Variants in VHL observed in about 807,000 individuals in gnomAD.
VHL encodes the protein von Hippel-Lindau disease tumor suppressor.
Under a neutral mutation model 19.2 loss-of-function variants are expected in VHL, and 10 were observed. The observed-to-expected ratio is 0.52, with a 90% CI of 0.32 to 0.89. The LOEUF (loss-of-function observed/expected upper bound fraction) is 0.89, where lower values mean the gene tolerates loss of function less well. VHL is among the 40% of genes least tolerant of loss of function. VHL has a pLI of 0.03. For missense variants in VHL, 328 were observed against 292.7 expected (o/e 1.12, Z -0.88); for synonymous variants, 167 against 129.5 (o/e 1.29, Z -1.97).
At chr3:10,148,935 A>G (rs953067328) in intron 2 of VHL, among the ~76,000 whole-genome samples, 4 of 151,356 alleles carry the variant, frequency 2.6e-5, no homozygotes, top group Admixed American at 2.6e-4. Flanking sequence ...AGCCTCCTAA[A>G]GTGCTAGGAT....
rs1060503563 is a variant in VHL, at chr3:10,142,120, C to T, written c.273C>T (p.Phe91=). Residue 91 remains phenylalanine, a synonymous_variant, in exon 1 of 3, where the codon TTC becomes TTT. Coordinates refer to ENST00000256474, the MANE Select transcript of VHL (RefSeq NM_000551.4). ...PRVVLPVWLN[F]DGEPQPYPTL... is the part of the protein sequence containing the mutation. ...TCGTGCTGCCCGTATGGCTCAACTT[C>T]GACGGCGAGCCGCAGCCCTACCCAA... The T allele has an allele frequency of 6.2e-7, 1 of 1,601,080 alleles. No homozygotes were observed. The highest frequency in any genetic ancestry group is 1.7e-5 in the Admixed American group (1 of 59,982).
intron 1 of VHL, among the ~76,000 whole-genome samples, chr3:10,145,624 T>G (rs1409234612): frequency 6.8e-6 from 1 of 147,106 alleles, no homozygotes; most frequent in African/African-American, 2.5e-5. Context: ...GAGAATGGCA[T>G]AAACCTGGGA....
At chr3:10,143,485 G>C (rs370010500) in intron 1 of VHL, among the ~76,000 whole-genome samples, 24 of 152,194 alleles carry the variant, frequency 1.6e-4, no homozygotes, top group African/African-American at 5.8e-4. Flanking sequence ...GTCTGGATCT[G>C]TCGCCAGACT....
In VHL at chr3:10,150,028, C is replaced by G. The variant is rs2125131056; in HGVS notation, c.*63C>G. The G allele has an allele frequency of 5.1e-6, 8 of 1,573,952 alleles. No homozygotes were observed. Among genetic ancestry groups the G allele is most frequent in the Non-Finnish European group, 6.9e-6 (8 of 1,159,772 alleles). ...TTTGATGGTACTGATGAGTCTTGAT[C>G]TAGATACAGGACTGGTTCCTTCCTT... On this transcript the variant is annotated 3_prime_UTR_variant, in exon 3 of 3. Transcript: ENST00000256474.
At position 10,150,876 on chromosome 3, in the gene VHL, TTTG is replaced by T. The variant is rs746389338; in HGVS notation, c.*923_*925del. On this transcript the variant is annotated 3_prime_UTR_variant, in exon 3 of 3. Transcript: ENST00000256474. The stretch of plus-strand genomic sequence containing the variant: ...GACATTCCTGATTGATTTGGGTTTT[TTTG>T]TTGTTGTTGTTTTGTTTTGTTTTGT... The T allele has an allele frequency of 1.3e-4, 29 of 227,576 alleles. No homozygotes were observed. Among genetic ancestry groups the T allele is most frequent in the Admixed American group, 4.0e-4 (7 of 17,556 alleles). The allele number at this position is 227,576 out of a possible 1,614,324, so 14.1% of individuals were successfully genotyped here.
In VHL at chr3:10,153,001, C is replaced by G. The variant is rs1177215895; in HGVS notation, c.*3036C>G. On this transcript the variant is annotated 3_prime_UTR_variant, in exon 3 of 3. Transcript: ENST00000256474. ...CCACTTAAAATACAAAAATTGCCGG[C>G]CGCGGCGGCTCATGCCTGTAATCCC... Among the ~76,000 whole-genome samples, 1 of 151,080 alleles carries G rather than the reference C, an allele frequency of 6.6e-6. No individual in the cohort carries two copies.
intron 2 of VHL, among the ~76,000 whole-genome samples, chr3:10,149,158 G>T (rs1696339398): frequency 6.7e-6 from 1 of 150,372 alleles, no homozygotes; most frequent in South Asian, 2.1e-4. Flanking sequence ...TGTCACCCAG[G>T]TTGGAGTGCA....
chr3:10,148,469 T>C (rs368371140), intron 2 of VHL, among the ~76,000 whole-genome samples: 1,559 of 149,758 alleles, frequency 0.01, 53 homozygotes, highest in African/African-American at 0.033. Context: ...CGCCCGCCAC[T>C]ACGCCCGGCT....
At chr3:10,146,773 AC>A in intron 2 of VHL, 137 bp downstream of exon 2, 1 of 1,151,030 alleles carries the variant, frequency 8.7e-7, no homozygotes, top group South Asian at 1.2e-5. Context: ...CCTATTCTCT[AC>A]CATAAATAAA....
chr3:10,148,558 C>T (rs953143701), intron 2 of VHL, among the ~76,000 whole-genome samples: 11 of 151,814 alleles, frequency 7.2e-5, no homozygotes, highest in Non-Finnish European at 1.2e-4. Context: ...TCGTGATCCG[C>T]CCGCCTCGGC....
Position 10,142,017 on chromosome 3 carries a change from G to C in VHL, c.170G>C (p.Gly57Ala), listed in dbSNP as rs764755691. ...GGCGCCGAGGAGGAGATGGAGGCCGGGCGGCCGCGGCCCGTGCTGCGCTCG... is the reference window on the plus strand; with the variant it reads ...GGCGCCGAGGAGGAGATGGAGGCCGCGCGGCCGCGGCCCGTGCTGCGCTCG... ...ELGAEEEMEA[G>A]RPRPVLRSVN... Residue 57 changes from glycine (G) to alanine (A), a missense_variant, in exon 1 of 3, where the codon GGG becomes GCG. Gly to Ala is a moderately conservative substitution (Grantham distance 60). Coordinates refer to ENST00000256474, the MANE Select transcript of VHL (RefSeq NM_000551.4). The C allele has an allele frequency of 1.3e-6, 2 of 1,591,210 alleles. No homozygotes were observed.
Position 10,150,032 on chromosome 3 carries a change from A to C in VHL, c.*67A>C. 1 of 1,570,540 alleles carries C rather than the reference A, an allele frequency of 6.4e-7. No homozygotes were observed. Among genetic ancestry groups the C allele is most frequent in the Non-Finnish European group, 8.6e-7 (1 of 1,157,878 alleles). ...ATGGTACTGATGAGTCTTGATCTAG[A>C]TACAGGACTGGTTCCTTCCTTAGTT... On this transcript the variant is annotated 3_prime_UTR_variant, in exon 3 of 3. Transcript: ENST00000256474.
rs150613310 is a variant in VHL, at chr3:10,145,589, C to G, written c.341-925C>G. 5.2e-3 allele frequency among the ~76,000 whole-genome samples: 792 copies of G among 151,810 alleles called. 6 individuals carry two copies. The highest frequency in any genetic ancestry group is 0.018 in the African/African-American group (751 of 41,402). On this transcript the variant is annotated intron_variant, in intron 1 of 2. Transcript: ENST00000256474. ...GGCGTGGTGGCGGGCACCTGTGGTCCCAGCTATTTGGGAGGCTGTGGCAGG... is the reference window on the plus strand; with the variant it reads ...GGCGTGGTGGCGGGCACCTGTGGTCGCAGCTATTTGGGAGGCTGTGGCAGG...
chr3:10,148,011 C>T (rs187873), intron 2 of VHL, among the ~76,000 whole-genome samples: 6 of 151,536 alleles, frequency 4.0e-5, no homozygotes, highest in African/African-American at 7.3e-5. Flanking sequence ...TGGGAGGATC[C>T]CTTGAGCCCA....
chr3:10,148,073 G>C (rs1696307107), intron 2 of VHL, among the ~76,000 whole-genome samples: 1 of 151,418 alleles, frequency 6.6e-6, no homozygotes, highest in African/African-American at 2.4e-5. Flanking sequence ...TCCAGCCCAG[G>C]TGACAGAGTG....
intron 1 of VHL, among the ~76,000 whole-genome samples, chr3:10,143,388 C>G (rs61420345): frequency 0.03 from 4,545 of 152,254 alleles, 227 homozygotes; most frequent in African/African-American, 0.1. Flanking sequence ...CTTGGCCTCC[C>G]AAAGTGCTGA....
chr3:10,145,658 A>G (rs1696237044), intron 1 of VHL, among the ~76,000 whole-genome samples: 1 of 149,838 alleles, frequency 6.7e-6, no homozygotes, highest in Non-Finnish European at 1.5e-5. Flanking sequence ...GTGAGCCGAG[A>G]TCGTGCCACT....
chr3:10,150,290 T>G lies in VHL; in HGVS notation c.*325T>G. The G allele has an allele frequency of 1.6e-6, 2 of 1,278,782 alleles. No homozygotes were observed. The highest frequency in any genetic ancestry group is 2.0e-6 in the Non-Finnish European group (2 of 1,000,278). The allele number at this position is 1,278,782 out of a possible 1,614,324, so 79.2% of individuals were successfully genotyped here. A position where few individuals can be genotyped will look rare whatever the true frequency, so the allele number is the denominator to read the frequency against. On this transcript the variant is annotated 3_prime_UTR_variant, in exon 3 of 3. Coordinates refer to ENST00000256474, the MANE Select transcript of VHL (RefSeq NM_000551.4). ...GTAATTCAGTGGGAATTGCAGCATA[T>G]CGTTTAATTTTAAGAAGGCATTGGC...
rs757809651 is a variant in VHL, at chr3:10,151,065, A to G, written c.*1100A>G. 4.2e-5 allele frequency: 8 copies of G among 188,472 alleles called. No homozygotes were observed. The highest frequency in any genetic ancestry group is 7.8e-5 in the Non-Finnish European group (7 of 89,756). The allele number at this position is 188,472 out of a possible 1,614,324, so 11.7% of individuals were successfully genotyped here. On this transcript the variant is annotated 3_prime_UTR_variant, in exon 3 of 3. Coordinates refer to ENST00000256474, the MANE Select transcript of VHL (RefSeq NM_000551.4). ...TGGCCAATTTTTGTACTTTTAGTAG[A>G]GACAGTGTTTCGTCATGTTGGCCAG...
Sources: gnomAD v4.1 joint callset for allele counts (sites outside exome capture counted in the v4.1 genomes callset) on GRCh38, gnomAD v4.1.1 for gene constraint, MANE v1.5 for transcripts, NCBI Gene and HGNC (gene_info 2026-07-23, HGNC 2026-07-21) for gene names.